Variants in DAB1 observed in about 807,000 individuals in gnomAD.
DAB1 encodes the protein disabled homolog 1.
DAB1 carries 15 observed loss-of-function variants against 64.6 expected under a neutral mutation model. The ratio of observed to expected loss-of-function variants is 0.23; its 90% CI spans 0.16 to 0.36. The LOEUF (loss-of-function observed/expected upper bound fraction) is 0.36, where lower values mean the gene tolerates loss of function less well. DAB1 is among the 10% of genes least tolerant of loss of function. The pLI is 1.00. For synonymous variants in DAB1, 235 were observed against 251.9 expected (o/e 0.93, Z 0.64); for missense variants, 596 against 706.7 (o/e 0.84, Z 1.78).
intron 2 of DAB1, among the ~76,000 whole-genome samples, chr1:57,213,140 T>C (rs1049453427): frequency 3.4e-5 from 5 of 149,070 alleles, no homozygotes; most frequent in East Asian, 4.0e-4. Context: ...AAGCTACAGA[T>C]AGAATTTTAA....
intron 2 of DAB1, among the ~76,000 whole-genome samples, chr1:57,169,761 G>A (rs1661552748): frequency 6.6e-6 from 1 of 152,072 alleles, no homozygotes; most frequent in African/African-American, 2.4e-5. Flanking sequence ...AATCCTTTTA[G>A]GTGGTTAAGT....
chr1:57,092,328 C>G (rs1653761024), intron 4 of DAB1, among the ~76,000 whole-genome samples: 1 of 152,228 alleles, frequency 6.6e-6, no homozygotes, highest in South Asian at 2.1e-4. Flanking sequence ...CCATCCAAAT[C>G]TCATCTCCAA....
intron 5 of DAB1, among the ~76,000 whole-genome samples, chr1:58,062,330 AG>A (rs1648554167): frequency 6.6e-6 from 1 of 152,210 alleles, no homozygotes; most frequent in Non-Finnish European, 1.5e-5. Flanking sequence ...TAGTAAGACA[AG>A]AATTATAGTG....
intron 4 of DAB1, among the ~76,000 whole-genome samples, chr1:58,339,641 A>G (rs1330195165): frequency 6.6e-6 from 1 of 152,128 alleles, no homozygotes; most frequent in African/African-American, 2.4e-5. Context: ...GGACGATATG[A>G]TTGCTCACCT....
At chr1:58,048,350 A>T (rs1341395628) in intron 5 of DAB1, 3 of 1,007,970 alleles carry the variant, frequency 3.0e-6, no homozygotes, top group Non-Finnish European at 4.8e-6. Context: ...TTAATTGCCC[A>T]AATCACTGTA....
chr1:57,758,455 C>T (rs770825664), intron 6 of DAB1, among the ~76,000 whole-genome samples: 5 of 152,172 alleles, frequency 3.3e-5, no homozygotes, highest in Non-Finnish European at 7.3e-5. Context: ...GGGGCAACAG[C>T]AGAGAAGTGA....
At chr1:58,239,685 G>A (rs564863151) in intron 4 of DAB1, among the ~76,000 whole-genome samples, 1 of 151,956 alleles carries the variant, frequency 6.6e-6, no homozygotes, top group Admixed American at 6.6e-5. Flanking sequence ...ATTTGCAGGG[G>A]GCTGATTTTC....
chr1:57,788,363 T>C (rs912484276), intron 6 of DAB1, among the ~76,000 whole-genome samples: 1 of 152,242 alleles, frequency 6.6e-6, no homozygotes, highest in Non-Finnish European at 1.5e-5. Flanking sequence ...GTATGAGTGA[T>C]ACTTGCAGCA....
At chr1:58,230,458 A>G (rs1247192915) in intron 4 of DAB1, among the ~76,000 whole-genome samples, 52 of 152,142 alleles carry the variant, frequency 3.4e-4, no homozygotes, top group Admixed American at 3.3e-3. Flanking sequence ...AAAATTGCAG[A>G]CCTGACCCTG....
intron 3 of DAB1, among the ~76,000 whole-genome samples, chr1:58,411,848 G>A (rs1317521204): frequency 6.6e-6 from 1 of 152,074 alleles, no homozygotes; most frequent in Non-Finnish European, 1.5e-5. Context: ...TCTCTATTTT[G>A]TACACTTTGC....
chr1:57,437,837 A>G (rs1387162687), intron 7 of DAB1, among the ~76,000 whole-genome samples: 1 of 152,234 alleles, frequency 6.6e-6, no homozygotes, highest in Non-Finnish European at 1.5e-5. Flanking sequence ...TTAACAATCA[A>G]GGAGTTCCTA....
intron 7 of DAB1, among the ~76,000 whole-genome samples, chr1:57,588,002 G>A (rs1013308837): frequency 6.6e-6 from 1 of 152,140 alleles, no homozygotes; most frequent in African/African-American, 2.4e-5. Flanking sequence ...AGGCCACTTT[G>A]TTGCTCTCCT....
At chr1:57,282,586 C>A (rs1430946304) in intron 2 of DAB1, among the ~76,000 whole-genome samples, 1 of 152,082 alleles carries the variant, frequency 6.6e-6, no homozygotes, top group Admixed American at 6.6e-5. Context: ...ATGACCACAT[C>A]GAGTGAAGTG....
chr1:57,222,531 TG>T (rs553159866), intron 2 of DAB1, among the ~76,000 whole-genome samples: 16 of 152,034 alleles, frequency 1.1e-4, no homozygotes, highest in Admixed American at 2.0e-4. Flanking sequence ...TGAGTAGGCT[TG>T]GGGCACTGCC....
rs77481831 is a variant in DAB1 at position 57,584,829 on chromosome 1, C to T, written n.625+64763G>A. ...ATCTCCATTATTAGTTTCTCTACCC[C>T]TTGTCAAGATATGGCTATGTGGCAG... is the stretch of plus-strand genomic sequence containing the variant. On this transcript the variant is annotated intron_variant and non_coding_transcript_variant, in intron 7 of 20. Coordinates refer to the DAB1 transcript ENST00000485760. Among the ~76,000 whole-genome samples, 1,294 of 152,286 alleles carry T rather than the reference C, an allele frequency of 8.5e-3. 14 individuals are homozygous for T. The highest frequency in any genetic ancestry group is 0.03 in the African/African-American group (1,240 of 41,558).
chr1:57,912,985 G>A (rs1204898665), intron 5 of DAB1, among the ~76,000 whole-genome samples: 5 of 152,132 alleles, frequency 3.3e-5, no homozygotes, highest in Admixed American at 3.3e-4. Context: ...TCATGGGTAG[G>A]AAGAATCAAT....
chr1:58,056,573 C>G (rs900503900), intron 5 of DAB1: 3 of 740,734 alleles, frequency 4.1e-6, no homozygotes, highest in African/African-American at 1.7e-5. Context: ...CATTTTCTGG[C>G]TCTCAGGCTC....
chr1:57,499,066 C>G (rs1435249973), intron 7 of DAB1, among the ~76,000 whole-genome samples: 1 of 152,140 alleles, frequency 6.6e-6, no homozygotes, highest in Non-Finnish European at 1.5e-5. Flanking sequence ...ACCTCCGCCT[C>G]CCGGGTTCAA....
In DAB1 at chr1:58,130,355, G is replaced by A. The variant is rs1294414708; in HGVS notation, n.387+20156C>T. ...TTATTTTGAGCCTATGTGTGTCTCT[G>A]CACGTGAGATGGGTTTCCTGAATAC... On this transcript the variant is annotated intron_variant and non_coding_transcript_variant, in intron 5 of 20. Transcript: ENST00000485760. Among the ~76,000 whole-genome samples the A allele has an allele frequency of 4.7e-5, 7 of 149,164 alleles. No individual in the cohort carries two copies. The Admixed American group carries it at 4.7e-4, about 10-fold the overall frequency.
Sources: allele counts gnomAD v4.1 joint callset (sites outside exome capture counted in the v4.1 genomes callset), GRCh38; gene constraint gnomAD v4.1.1; transcripts MANE v1.5; gene names NCBI Gene and HGNC (gene_info 2026-07-23, HGNC 2026-07-21).